CLNK: variants seen among roughly 807,000 people sequenced by gnomAD.
The protein encoded by CLNK is cytokine-dependent hematopoietic cell linker.
A neutral mutation model predicts 68.6 loss-of-function variants in CLNK; 74 were observed. The observed-to-expected ratio is 1.08, with a 90% CI of 0.89 to 1.31. The LOEUF is 1.31. Ranked by LOEUF, CLNK falls within the 50% of genes most tolerant of loss-of-function variation. CLNK has a pLI of 0.00. For synonymous variants in CLNK, 198 were observed against 172.2 expected (o/e 1.15, Z -1.17); for missense variants, 553 against 515.3 (o/e 1.07, Z -0.71).
chr4:10,649,775 C>A lies in CLNK; in HGVS notation c.11+18084G>T, dbSNP rs187226911. 2.9e-3 allele frequency among the ~76,000 whole-genome samples: 383 copies of A among 133,132 alleles called. 3 individuals are homozygous for A. The highest frequency in any genetic ancestry group is 0.011 in the African/African-American group (368 of 33,862). 87.3% of individuals were successfully genotyped at this position (133,132 alleles called of 152,430 possible). ...CCTGTTTTAATAGTTCCTTTAGGCA[C>A]CCCAAAAAACAAATACAAATTTTCT... On this transcript the variant is annotated intron_variant, in intron 2 of 18. Transcript: ENST00000226951.
intron 15 of CLNK, among the ~76,000 whole-genome samples, chr4:10,516,433 A>C (rs75674800): frequency 6.6e-6 from 1 of 152,226 alleles, no homozygotes; most frequent in Non-Finnish European, 1.5e-5. Flanking sequence ...GCCATTTTCC[A>C]TAACATTTAG....
chr4:10,626,377 A>G (rs1175557794), intron 2 of CLNK, among the ~76,000 whole-genome samples: 1 of 152,188 alleles, frequency 6.6e-6, no homozygotes, highest in African/African-American at 2.4e-5. Context: ...ACATCAACTC[A>G]TCTGCCTTTC....
rs145553168 is a variant in CLNK at position 10,579,481 on chromosome 4, C to T, written c.112+5446G>A. Among the ~76,000 whole-genome samples the T allele has an allele frequency of 3.4e-3, 510 of 152,184 alleles. 2 individuals carry two copies. Among genetic ancestry groups the T allele is most frequent in the African/African-American group, 8.3e-3 (346 of 41,498 alleles). ...AACCATATTTTGGTCAATGATGGAT[C>T]ACATATATGACCGTGGTCTCATAAG... is the stretch of plus-strand genomic sequence containing the variant. On this transcript the variant is annotated intron_variant, in intron 4 of 18. Coordinates refer to ENST00000226951, the MANE Select transcript of CLNK (RefSeq NM_052964.4).
intron 2 of CLNK, among the ~76,000 whole-genome samples, chr4:10,620,159 G>T (rs1335494065): frequency 6.6e-6 from 1 of 152,094 alleles, no homozygotes; most frequent in Non-Finnish European, 1.5e-5. Flanking sequence ...TTTCCTCAGA[G>T]CCTAAGCACT....
intron 2 of CLNK, among the ~76,000 whole-genome samples, chr4:10,628,139 A>G (rs1027729373): frequency 1.3e-5 from 2 of 152,184 alleles, no homozygotes; most frequent in African/African-American, 4.8e-5. Flanking sequence ...ACCTGTTTAT[A>G]TTACTCTAAT....
intron 1 of CLNK, among the ~76,000 whole-genome samples, chr4:10,673,605 G>C (rs1006374655): frequency 2.6e-5 from 4 of 151,824 alleles, no homozygotes; most frequent in African/African-American, 9.7e-5. Flanking sequence ...ACTCACAGGT[G>C]GTAGTTGAAC....
In CLNK at chr4:10,655,637, A is replaced by ATT. The variant is rs869196104; in HGVS notation, c.11+12220_11+12221dup. On this transcript the variant is annotated intron_variant, in intron 2 of 18. Coordinates refer to ENST00000226951, the MANE Select transcript of CLNK (RefSeq NM_052964.4). ...GATGAGTGGAGGAGGGATAGATAGC[A>ATT]TTTTTTTTTTTTTTTTTTTTTTTTT... Among the ~76,000 whole-genome samples the ATT allele has an allele frequency of 8.8e-3, 658 of 74,792 alleles. 41 individuals are homozygous for ATT. The highest frequency in any genetic ancestry group is 0.016 in the African/African-American group (287 of 17,938). The allele number at this position is 74,792 out of a possible 152,430, so 49.1% of individuals were successfully genotyped here.
chr4:10,657,025 T>G (rs1288376749), intron 2 of CLNK, among the ~76,000 whole-genome samples: 5 of 152,174 alleles, frequency 3.3e-5, no homozygotes, highest in Non-Finnish European at 1.5e-5. Flanking sequence ...CTTATACAAA[T>G]TAGCTCATTT....
intron 3 of CLNK, among the ~76,000 whole-genome samples, chr4:10,588,228 AG>A (rs1357141809): frequency 1.3e-5 from 2 of 152,224 alleles, no homozygotes; most frequent in African/African-American, 4.8e-5. Flanking sequence ...TTTGAAGAAA[AG>A]GCAAACCGTT....
chr4:10,646,093 G>C lies in CLNK; in HGVS notation c.11+21766C>G, dbSNP rs777398950. The stretch of plus-strand genomic sequence containing the variant: ...GAAATAACACCAAAATGTTAACAAT[G>C]GTGGGTGAGCAAGTTATGGAGGAAT... On this transcript the variant is annotated intron_variant, in intron 2 of 18. Transcript: ENST00000226951. 5.9e-5 allele frequency among the ~76,000 whole-genome samples: 9 copies of C among 152,134 alleles called. No individual in the cohort carries two copies. In the East Asian group the frequency reaches 1.5e-3, roughly 26 times the overall value.
chr4:10,670,677 C>G (rs765846729), intron 1 of CLNK, among the ~76,000 whole-genome samples: 17 of 151,710 alleles, frequency 1.1e-4, no homozygotes, highest in Non-Finnish European at 2.1e-4. Context: ...CCAAATAGGT[C>G]TTTTTCAGCT....
intron 11 of CLNK, among the ~76,000 whole-genome samples, chr4:10,539,413 T>G (rs1025534316): frequency 2.6e-5 from 4 of 152,224 alleles, no homozygotes; most frequent in African/African-American, 9.6e-5. Context: ...GAGCCTATCC[T>G]GAGTTTTTGT....
At chr4:10,517,559 G>A (rs1717884469) in intron 15 of CLNK, 1 of 152,172 alleles carries the variant, frequency 6.6e-6, no homozygotes. Context: ...AAATTGACTT[G>A]AGACTTATTT....
intron 2 of CLNK, among the ~76,000 whole-genome samples, chr4:10,637,659 A>G (rs1723146252): frequency 8.7e-6 from 1 of 115,032 alleles, no homozygotes; most frequent in Non-Finnish European, 1.6e-5. Flanking sequence ...TAGTGGTGTG[A>G]TTTTGGCTCA....
chr4:10,659,736 T>G (rs1201586145), intron 2 of CLNK, among the ~76,000 whole-genome samples: 1 of 152,182 alleles, frequency 6.6e-6, no homozygotes, highest in African/African-American at 2.4e-5. Flanking sequence ...TGACCTGATC[T>G]CTCTTTACCA....
At chr4:10,503,911 T>C (rs1420321246) in intron 17 of CLNK, among the ~76,000 whole-genome samples, 1 of 147,822 alleles carries the variant, frequency 6.8e-6, no homozygotes, top group African/African-American at 2.5e-5. Context: ...GCCTCCTGAG[T>C]AGCTGGGATA....
the CLNK span, among the ~76,000 whole-genome samples, chr4:10,718,767 T>G: frequency 6.6e-6 from 1 of 152,156 alleles, no homozygotes; most frequent in Admixed American, 6.5e-5. Context: ...ACAAAATAGA[T>G]TTTTCTTGTT....
intron 2 of CLNK, among the ~76,000 whole-genome samples, chr4:10,619,425 A>G (rs74489831): frequency 0.012 from 1,804 of 152,264 alleles, 46 homozygotes; most frequent in African/African-American, 0.041. Flanking sequence ...GTGTTTTGGT[A>G]ATAATGATGT....
intron 17 of CLNK, among the ~76,000 whole-genome samples, chr4:10,503,859 T>G (rs1717165949): frequency 7.7e-6 from 1 of 129,438 alleles, no homozygotes; most frequent in African/African-American, 2.8e-5. Flanking sequence ...CTCAGCTCAC[T>G]GCAACCTCCG....
Sources: gnomAD v4.1 joint callset for allele counts (sites outside exome capture counted in the v4.1 genomes callset) on GRCh38, gnomAD v4.1.1 for gene constraint, MANE v1.5 for transcripts, NCBI Gene and HGNC (gene_info 2026-07-23, HGNC 2026-07-21) for gene names.